EPB41: variants seen among roughly 807,000 people sequenced by gnomAD.
EPB41 encodes the protein protein 4.1.
A neutral mutation model predicts 108.0 loss-of-function variants in EPB41; 65 were observed. The observed-to-expected ratio is 0.60, with a 90% CI of 0.49 to 0.74. The LOEUF is 0.74. Among genes scored for constraint, EPB41 ranks in the 30% least tolerant of loss-of-function variants. The probability of loss-of-function intolerance (pLI) is 0.00; values close to 1 mark genes in which losing one functional copy is unlikely to be tolerated. For missense variants in EPB41, 875 were observed against 1,037.0 expected, an observed-to-expected ratio of 0.84 and a Z score of 2.15; for synonymous variants, 336 against 358.9, an observed-to-expected ratio of 0.94 and a Z score of 0.72.
intron 4 of EPB41, among the ~76,000 whole-genome samples, chr1:29,010,580 C>CTA (rs1476858853): frequency 1.3e-5 from 2 of 152,012 alleles, no homozygotes; most frequent in Non-Finnish European, 2.9e-5. Flanking sequence ...TGTCTTTAAA[C>CTA]ATTTCTCAAA....
rs1211596313 is a variant in EPB41 at position 29,029,161 on chromosome 1, C to T, written c.1125-1239C>T. ...AACTTAGATGGAAAAAAATTAAAAACTACAAAACTTTCCTGAAATGTTTTT... is the reference window on the plus strand; with the variant it reads ...AACTTAGATGGAAAAAAATTAAAAATTACAAAACTTTCCTGAAATGTTTTT... On this transcript the variant is annotated intron_variant, in intron 7 of 20. Transcript: ENST00000343067. 2.6e-5 allele frequency among the ~76,000 whole-genome samples: 4 copies of T among 151,908 alleles called. No individual in the cohort carries two copies. The East Asian group carries it at 7.7e-4, about 29-fold the overall frequency.
intron 1 of EPB41, among the ~76,000 whole-genome samples, chr1:28,943,581 G>A (rs1213666838): frequency 1.3e-5 from 2 of 152,196 alleles, no homozygotes; most frequent in Non-Finnish European, 2.9e-5. Flanking sequence ...CCTGGGAGGC[G>A]GAGGCTGCAG....
At chr1:29,114,265 T>C (rs1182847538) in intron 19 of EPB41, among the ~76,000 whole-genome samples, 2 of 152,080 alleles carry the variant, frequency 1.3e-5, no homozygotes, top group African/African-American at 2.4e-5. Flanking sequence ...TAATCAAAGC[T>C]CCTCCAGATC....
chr1:28,966,874 C>T (rs560156736), intron 1 of EPB41, among the ~76,000 whole-genome samples: 11 of 152,256 alleles, frequency 7.2e-5, no homozygotes, highest in African/African-American at 2.6e-4. Flanking sequence ...TTCTGAATGG[C>T]AGGAAATGTC....
intron 16 of EPB41, among the ~76,000 whole-genome samples, chr1:29,089,985 T>A (rs906761951): frequency 1.3e-5 from 2 of 152,152 alleles, no homozygotes; most frequent in Non-Finnish European, 2.9e-5. Flanking sequence ...TTTAACAGGC[T>A]GGGCACAGTG....
intron 11 of EPB41, among the ~76,000 whole-genome samples, chr1:29,050,268 A>C (rs1432424368): frequency 1.3e-5 from 2 of 152,236 alleles, no homozygotes; most frequent in Non-Finnish European, 2.9e-5. Flanking sequence ...CAGTTTCCAC[A>C]CTAATACCTT....
At chr1:28,945,703 C>T (rs536007983) in intron 1 of EPB41, among the ~76,000 whole-genome samples, 152 of 152,282 alleles carry the variant, frequency 1.0e-3, no homozygotes, top group African/African-American at 3.4e-3. Context: ...GTGAGGCTAA[C>T]GTCAGAATAC....
At chr1:29,010,822 G>T (rs2096487031) in intron 4 of EPB41, among the ~76,000 whole-genome samples, 1 of 152,146 alleles carries the variant, frequency 6.6e-6, no homozygotes, top group Admixed American at 6.5e-5. Context: ...TGCTGATATA[G>T]AAAACTTTGG....
In EPB41 at chr1:29,087,830, A is replaced by C. The variant is rs574708504; in HGVS notation, c.2185-9977A>C. Among the ~76,000 whole-genome samples the C allele has an allele frequency of 5.5e-4, 84 of 152,304 alleles. 1 individual carries two copies. The highest frequency in any genetic ancestry group is 1.0e-3 in the Non-Finnish European group (69 of 68,018). On this transcript the variant is annotated intron_variant, in intron 16 of 20. Coordinates refer to ENST00000343067, the MANE Select transcript of EPB41 (RefSeq NM_001376013.1). ...GAAAAAAAATCTTGTTTTCTTCCCCAAAACAAAGAAAATACTGAATTATCA... is the reference window on the plus strand; with the variant it reads ...GAAAAAAAATCTTGTTTTCTTCCCCCAAACAAAGAAAATACTGAATTATCA...
At chr1:29,097,463 C>T (rs1663611443) in intron 16 of EPB41, 2 of 353,994 alleles carry the variant, frequency 5.6e-6, no homozygotes, top group South Asian at 5.0e-5. Context: ...GACACAAGGA[C>T]AAATCAAAGT....
chr1:29,086,601 A>T (rs1185365355), intron 16 of EPB41, among the ~76,000 whole-genome samples: 2 of 152,070 alleles, frequency 1.3e-5, no homozygotes, highest in Non-Finnish European at 1.5e-5. Context: ...GTGTATATTT[A>T]TACACATTGG....
intron 1 of EPB41, among the ~76,000 whole-genome samples, chr1:28,902,674 C>T (rs2091426507): frequency 6.6e-6 from 1 of 152,156 alleles, no homozygotes; most frequent in South Asian, 2.1e-4. Context: ...GGGTTCGTCA[C>T]ACCTTCAGGG....
chr1:28,898,602 T>C (rs549406739), intron 1 of EPB41, among the ~76,000 whole-genome samples: 2 of 152,340 alleles, frequency 1.3e-5, no homozygotes, highest in East Asian at 1.9e-4. Flanking sequence ...TCAATCTCCT[T>C]GGCCCCACCC....
At chr1:28,935,277 CAA>C (rs922849026) in intron 1 of EPB41, among the ~76,000 whole-genome samples, 1 of 151,362 alleles carries the variant, frequency 6.6e-6, no homozygotes, top group African/African-American at 2.4e-5. Flanking sequence ...CACAAAAATA[CAA>C]AAAAAGTTAG....
chr1:29,068,799 T>G, intron 16 of EPB41: 2 of 1,232,082 alleles, frequency 1.6e-6, no homozygotes, highest in Non-Finnish European at 2.0e-6. Context: ...GCTGCTGTTA[T>G]GACTTGTGCT....
chr1:29,075,909 T>C (rs1212384728), intron 16 of EPB41, among the ~76,000 whole-genome samples: 11 of 152,240 alleles, frequency 7.2e-5, no homozygotes, highest in Admixed American at 6.5e-4. Context: ...TTCTCTGCAA[T>C]ATCATTTAGA....
chr1:28,895,915 G>A (rs1335972335), intron 1 of EPB41, among the ~76,000 whole-genome samples: 2 of 152,074 alleles, frequency 1.3e-5, no homozygotes, highest in Non-Finnish European at 2.9e-5. Flanking sequence ...CGTGTTTGTC[G>A]GATAAATAAA....
At chr1:28,947,617 A>C (rs1445589079) in intron 1 of EPB41, among the ~76,000 whole-genome samples, 1 of 151,774 alleles carries the variant, frequency 6.6e-6, no homozygotes, top group East Asian at 1.9e-4. Context: ...ACTTGAGGCC[A>C]GCAGTTTGAG....
chr1:29,049,200 G>A (rs886583139), intron 11 of EPB41, among the ~76,000 whole-genome samples: 9 of 152,200 alleles, frequency 5.9e-5, no homozygotes, highest in Non-Finnish European at 1.3e-4. Context: ...TAAGTTGCAA[G>A]CGTAGCTAAT....
Sources: gnomAD v4.1 joint callset for allele counts (sites outside exome capture counted in the v4.1 genomes callset) on GRCh38, gnomAD v4.1.1 for gene constraint, MANE v1.5 for transcripts, NCBI Gene and HGNC (gene_info 2026-07-23, HGNC 2026-07-21) for gene names.